KCNAB1: variants seen among roughly 807,000 people sequenced by gnomAD.
The protein encoded by KCNAB1 is voltage-gated potassium channel subunit beta-1.
A neutral mutation model predicts 64.6 loss-of-function variants in KCNAB1; 35 were observed. The ratio of observed to expected loss-of-function variants is 0.54; its 90% confidence interval spans 0.41 to 0.72. KCNAB1 has a LOEUF of 0.72. Among genes scored for constraint, KCNAB1 ranks in the 30% least tolerant of loss-of-function variants. The pLI is 0.00. For missense variants in KCNAB1, 401 were observed against 512.9 expected, an observed-to-expected ratio of 0.78 and a Z score of 2.11; for synonymous variants, 177 against 183.8, an observed-to-expected ratio of 0.96 and a Z score of 0.30.
chr3:156,221,110 G>A (rs974370442), intron 1 of KCNAB1, among the ~76,000 whole-genome samples: 7 of 152,124 alleles, frequency 4.6e-5, no homozygotes, highest in African/African-American at 1.7e-4. Flanking sequence ...TGCTGTTTTG[G>A]TTACTGTAGC....
intron 1 of KCNAB1, among the ~76,000 whole-genome samples, chr3:156,166,960 C>T (rs1331521645): frequency 6.6e-6 from 1 of 152,120 alleles, no homozygotes; most frequent in Non-Finnish European, 1.5e-5. Context: ...TGGACATGGG[C>T]ACCTCTTGGT....
rs192025038 is a variant in KCNAB1 at position 156,158,096 on chromosome 3, C to G, written c.275+37210C>G. ...AGGAGAATGGCGTGAACCCGGGAGG[C>G]GGAGCTTGCAGTGAGGAGAGATAGC... On this transcript the variant is annotated intron_variant, in intron 1 of 13. Coordinates refer to ENST00000490337, the MANE Select transcript of KCNAB1 (RefSeq NM_172160.3). Among the ~76,000 whole-genome samples, 3 of 149,464 alleles carry G rather than the reference C, an allele frequency of 2.0e-5. No individual in the cohort carries two copies. In the South Asian group the frequency reaches 6.3e-4, roughly 31 times the overall value.
At chr3:156,291,177 T>A (rs1222373097) in intron 1 of KCNAB1, 1 of 985,430 alleles carries the variant, frequency 1.0e-6, no homozygotes. Flanking sequence ...GGCAAAGAGC[T>A]CCTTAAAGGG....
At chr3:156,434,805 A>G (rs187255653) in intron 2 of KCNAB1, among the ~76,000 whole-genome samples, 15 of 152,342 alleles carry the variant, frequency 9.8e-5, no homozygotes, top group South Asian at 4.1e-4. Context: ...GAGAAAGAAG[A>G]AGGAGTTGGG....
chr3:156,270,279 C>A (rs779665269), intron 1 of KCNAB1, among the ~76,000 whole-genome samples: 15 of 152,154 alleles, frequency 9.9e-5, no homozygotes, highest in Non-Finnish European at 1.8e-4. Flanking sequence ...TCCATTTACA[C>A]TAAATGTTAT....
At chr3:156,342,585 C>CTTTTTTTT (rs60982892) in intron 1 of KCNAB1, among the ~76,000 whole-genome samples, 2 of 86,250 alleles carry the variant, frequency 2.3e-5, no homozygotes, top group African/African-American at 3.7e-5. Flanking sequence ...CTATGTGTTT[C>CTTTTTTTT]TTTTTTTTTT....
chr3:156,256,873 T>C (rs1718130142), intron 1 of KCNAB1, among the ~76,000 whole-genome samples: 2 of 152,194 alleles, frequency 1.3e-5, no homozygotes, highest in African/African-American at 4.8e-5. Context: ...GTATTTATTC[T>C]CTGAGCTTCT....
chr3:156,456,083 CAG>C (rs1164939439), intron 3 of KCNAB1: 1 of 152,186 alleles, frequency 6.6e-6, no homozygotes, highest in African/African-American at 2.4e-5. Context: ...GCTAAATTTA[CAG>C]AGAGGTCAGA....
At chr3:156,224,831 G>A (rs1263002852) in intron 1 of KCNAB1, among the ~76,000 whole-genome samples, 1 of 152,146 alleles carries the variant, frequency 6.6e-6, no homozygotes, top group Non-Finnish European at 1.5e-5. Flanking sequence ...AGAGGAGATG[G>A]AGAAATTCCT....
At chr3:156,467,071 G>A (rs988783808) in intron 7 of KCNAB1, among the ~76,000 whole-genome samples, 34 of 151,974 alleles carry the variant, frequency 2.2e-4, no homozygotes, top group South Asian at 2.1e-4. Flanking sequence ...CCTTAAATAT[G>A]CTTAAAACAC....
At chr3:156,144,984 T>C (rs1036083274) in intron 1 of KCNAB1, among the ~76,000 whole-genome samples, 5 of 152,200 alleles carry the variant, frequency 3.3e-5, no homozygotes, top group Admixed American at 6.5e-5. Flanking sequence ...CTGCCTCAGC[T>C]AAAGGTGGGA....
intron 1 of KCNAB1, among the ~76,000 whole-genome samples, chr3:156,357,688 A>G (rs992226712): frequency 1.3e-5 from 2 of 151,880 alleles, no homozygotes; most frequent in Admixed American, 1.3e-4. Flanking sequence ...AATACATTTT[A>G]TTTACCCACT....
chr3:156,225,611 G>A (rs1047610432), intron 1 of KCNAB1, among the ~76,000 whole-genome samples: 1 of 152,228 alleles, frequency 6.6e-6, no homozygotes, highest in East Asian at 1.9e-4. Context: ...CATCCAAATT[G>A]GTAAAGAGGA....
At chr3:156,489,977 G>T (rs1576933050) in intron 8 of KCNAB1, among the ~76,000 whole-genome samples, 2 of 152,204 alleles carry the variant, frequency 1.3e-5, no homozygotes, top group Admixed American at 1.3e-4. Flanking sequence ...CATGTCCCCA[G>T]GTCTGCAGTC....
At chr3:156,120,923 G>T in intron 1 of KCNAB1, 37 bp downstream of exon 1, 1 of 1,604,374 alleles carries the variant, frequency 6.2e-7, no homozygotes, top group Non-Finnish European at 8.5e-7. Flanking sequence ...TTTGGGAGAC[G>T]CCGTTCGAAG....
intron 1 of KCNAB1, among the ~76,000 whole-genome samples, chr3:156,290,149 G>T (rs1720317254): frequency 6.6e-6 from 1 of 152,176 alleles, no homozygotes; most frequent in African/African-American, 2.4e-5. Context: ...AGTGTACTTA[G>T]TGTCTGTGCC....
intron 8 of KCNAB1, among the ~76,000 whole-genome samples, chr3:156,485,356 T>G (rs566709431): frequency 2.6e-5 from 4 of 152,186 alleles, no homozygotes; most frequent in East Asian, 3.9e-4. Flanking sequence ...CATTTTGCCT[T>G]TGTTTTTCCC....
chr3:156,451,596 G>A (rs1712010137), intron 2 of KCNAB1, among the ~76,000 whole-genome samples: 1 of 152,074 alleles, frequency 6.6e-6, no homozygotes, highest in Admixed American at 6.5e-5. Flanking sequence ...TTCCATAAAT[G>A]GTAGCTAGGA....
chr3:156,234,444 A>T lies in KCNAB1; in HGVS notation c.275+113558A>T, dbSNP rs575639075. On this transcript the variant is annotated intron_variant, in intron 1 of 13. Transcript: ENST00000490337. Reference sequence around the variant, plus strand: ...GCTTAACCCTACCTAGATGCAGGACAGTTCATCCATAGGAATAGGTGAAAG... The same window carrying T: ...GCTTAACCCTACCTAGATGCAGGACTGTTCATCCATAGGAATAGGTGAAAG... Among the ~76,000 whole-genome samples, 5 of 152,306 alleles carry T rather than the reference A, an allele frequency of 3.3e-5. No homozygotes were observed. The South Asian group carries it at 1.0e-3, about 32-fold the overall frequency.
Sources: allele counts gnomAD v4.1 joint callset (sites outside exome capture counted in the v4.1 genomes callset), GRCh38; gene constraint gnomAD v4.1.1; transcripts MANE v1.5; gene names NCBI Gene and HGNC (gene_info 2026-07-23, HGNC 2026-07-21).